Variants in STARD9 observed in about 807,000 individuals in gnomAD.
STARD9 encodes StAR related lipid transfer domain containing 9.
STARD9 carries 346 observed loss-of-function variants against 399.8 expected under a neutral mutation model. The ratio of observed to expected loss-of-function variants is 0.87; its 90% CI spans 0.79 to 0.95. The LOEUF (loss-of-function observed/expected upper bound fraction) is 0.95, where lower values mean the gene tolerates loss of function less well. STARD9 is among the 40% of genes least tolerant of loss of function. The probability of loss-of-function intolerance (pLI) is 0.00; values close to 1 mark genes in which losing one functional copy is unlikely to be tolerated. For synonymous variants in STARD9, 2,203 were observed against 2,143.5 expected, an observed-to-expected ratio of 1.03 and a Z score of -0.77; for missense variants, 5,832 against 5,667.5, an observed-to-expected ratio of 1.03 and a Z score of -0.93.
At chr15:42,582,061 C>G (rs980909562) in intron 1 of STARD9, among the ~76,000 whole-genome samples, 1 of 152,130 alleles carries the variant, frequency 6.6e-6, no homozygotes, top group African/African-American at 2.4e-5. Context: ...AATGCTTAAG[C>G]CTAGGAAATT....
Position 42,664,789 on chromosome 15 carries a change from AACACAC to A in STARD9, c.1177-433_1177-428del, listed in dbSNP as rs55773330. Among the ~76,000 whole-genome samples the A allele has an allele frequency of 3.9e-3, 559 of 144,796 alleles. 4 individuals carry two copies. The highest frequency in any genetic ancestry group is 4.9e-3 in the Non-Finnish European group (318 of 65,056). 95.0% of individuals were successfully genotyped at this position (144,796 alleles called of 152,430 possible). A position where few individuals can be genotyped will look rare whatever the true frequency, so the allele number is the denominator to read the frequency against. On this transcript the variant is annotated intron_variant, in intron 13 of 32. Coordinates refer to ENST00000290607, the MANE Select transcript of STARD9 (RefSeq NM_020759.3). Reference sequence around the variant, plus strand: ...ATTCATTGGTTTTTGTTTATCCTTTAACACACACACACACACACACACACACACACA... The same window carrying A: ...ATTCATTGGTTTTTGTTTATCCTTTAACACACACACACACACACACACACA...
At chr15:42,667,809 C>T (rs1164551312) in intron 15 of STARD9, among the ~76,000 whole-genome samples, 1 of 152,200 alleles carries the variant, frequency 6.6e-6, no homozygotes, top group Non-Finnish European at 1.5e-5. Flanking sequence ...TACAACCAAA[C>T]GTTTCAATTT....
At chr15:42,677,220 C>A (rs192778046) in intron 20 of STARD9, among the ~76,000 whole-genome samples, 16 of 151,738 alleles carry the variant, frequency 1.1e-4, no homozygotes, top group Non-Finnish European at 1.5e-4. Flanking sequence ...GCCGACATTG[C>A]GCCACTGCAC....
At chr15:42,642,177 T>A (rs1398419972) in intron 7 of STARD9, among the ~76,000 whole-genome samples, 1 of 152,202 alleles carries the variant, frequency 6.6e-6, no homozygotes, top group Admixed American at 6.5e-5. Context: ...AGAAATTTAT[T>A]GAGTACCTAC....
In STARD9 at chr15:42,686,891, A is replaced by G. The variant is rs1352182150; in HGVS notation, c.5313A>G (p.Val1771=). The G allele has an allele frequency of 1.3e-6, 2 of 1,536,616 alleles. No homozygotes were observed. Among genetic ancestry groups the G allele is most frequent in the Admixed American group, 3.9e-5 (2 of 50,968 alleles). ...TTCCAGCTTGCAGAGAAGTAAGGGT[A>G]CCCTCCCCACCCCCCAGGGAAGCCT... ...LEIPACREVR[V]PSPPPREAWG... Residue 1771 remains valine (V), a synonymous_variant, in exon 23 of 33, where the codon GTA becomes GTG. Coordinates refer to ENST00000290607, the MANE Select transcript of STARD9 (RefSeq NM_020759.3).
In STARD9 at chr15:42,689,020, A is replaced by G. The variant is rs1432372208; in HGVS notation, c.7442A>G (p.Lys2481Arg). 1 of 1,537,362 alleles carries G rather than the reference A, an allele frequency of 6.5e-7. No individual in the cohort carries two copies. Among genetic ancestry groups the G allele is most frequent in the South Asian group, 1.2e-5 (1 of 84,066 alleles). Residue 2481 changes from lysine to arginine, a missense_variant, in exon 23 of 33, where the codon AAG (lysine) becomes AGG (arginine). By Grantham distance (26) the Lys-to-Arg change is conservative. This residue lies in a region of STARD9 where 5,828 missense variants were observed against 5,651.1 expected (regional missense o/e 1.03). Transcript: ENST00000290607. Reference sequence around the variant, plus strand: ...GAAATAAGAGTCAGTTCACTGAACAAGGTCTCTAGCCAGCCTGAAAAGAGG... The same window carrying G: ...GAAATAAGAGTCAGTTCACTGAACAGGGTCTCTAGCCAGCCTGAAAAGAGG... ...QKEIRVSSLN[K>R]VSSQPEKRVS...
At chr15:42,712,329 G>A (rs904435675) in intron 26 of STARD9, among the ~76,000 whole-genome samples, 13 of 150,188 alleles carry the variant, frequency 8.7e-5, no homozygotes, top group African/African-American at 2.9e-4. Flanking sequence ...TTTTGATGAT[G>A]TCCAGTTTAT....
Position 42,718,842 on chromosome 15 carries a change from A to G in STARD9, c.13933A>G (p.Ser4645Gly), listed in dbSNP as rs1440615637. The change falls in exon 32 of 33, where the codon AGT becomes GGT. Residue 4645 changes from serine (S) to glycine (G), a missense_variant. Ser to Gly is a moderately conservative substitution (Grantham distance 56, BLOSUM62 0). This residue lies in a region of STARD9 where 5,828 missense variants were observed against 5,651.1 expected (regional missense o/e 1.03). Transcript: ENST00000290607. The part of the protein sequence containing the change: ...RKMVRGEILP[S>G]AWILQPITVE... ...AATGGTTCGCGGGGAGATCCTGCCCAGTGCCTGGATCTTGCAGCCCATCAC... is the reference window on the plus strand; with the variant it reads ...AATGGTTCGCGGGGAGATCCTGCCCGGTGCCTGGATCTTGCAGCCCATCAC... 4 of 1,537,108 alleles carry G rather than the reference A, an allele frequency of 2.6e-6. No homozygotes were observed. The highest frequency in any genetic ancestry group is 2.4e-5 in the East Asian group (1 of 40,910).
chr15:42,591,399 A>G (rs1280615955), intron 3 of STARD9, among the ~76,000 whole-genome samples: 4 of 152,036 alleles, frequency 2.6e-5, no homozygotes, highest in African/African-American at 4.8e-5. Context: ...GAAGCAGGAG[A>G]ATTGCTTTAA....
At chr15:42,581,908 T>C (rs556462100) in intron 1 of STARD9, among the ~76,000 whole-genome samples, 1 of 152,252 alleles carries the variant, frequency 6.6e-6, no homozygotes, top group Non-Finnish European at 1.5e-5. Context: ...CCCAGCACTT[T>C]TGGAGACTGA....
intron 16 of STARD9, chr15:42,671,303 T>G (rs1566921558): frequency 6.6e-6 from 1 of 152,032 alleles, no homozygotes; most frequent in Non-Finnish European, 1.5e-5. Context: ...GAATAATGCT[T>G]AAAATTTTAA....
At chr15:42,659,165 A>G (rs951629553) in intron 9 of STARD9, among the ~76,000 whole-genome samples, 1 of 152,192 alleles carries the variant, frequency 6.6e-6, no homozygotes, top group Non-Finnish European at 1.5e-5. Context: ...ACAGATAGGT[A>G]GAACTTTTTT....
At chr15:42,650,115 G>A (rs1437305090) in intron 7 of STARD9, among the ~76,000 whole-genome samples, 1 of 151,508 alleles carries the variant, frequency 6.6e-6, no homozygotes, top group Non-Finnish European at 1.5e-5. Flanking sequence ...CGCCCGCCTC[G>A]GCCTCCCAAA....
chr15:42,611,665 C>A (rs2058852808), intron 3 of STARD9, among the ~76,000 whole-genome samples: 1 of 152,170 alleles, frequency 6.6e-6, no homozygotes, highest in Non-Finnish European at 1.5e-5. Context: ...CATACAACTG[C>A]TCTTCAGTGT....
intron 26 of STARD9, among the ~76,000 whole-genome samples, chr15:42,712,429 T>C (rs1363448056): frequency 6.6e-6 from 1 of 151,938 alleles, no homozygotes; most frequent in Admixed American, 6.6e-5. Flanking sequence ...TGTTTTCTTC[T>C]AAGAGTTTTA....
chr15:42,664,035 AGATGATGAGGG>A (rs1325097724), intron 13 of STARD9, 118 bp downstream of exon 13: 3 of 670,314 alleles, frequency 4.5e-6, no homozygotes, highest in Non-Finnish European at 7.8e-6. Context: ...CTTGTCCTCC[AGATGATGAGGG>A]AGTAGAATTC....
intron 21 of STARD9, 58 bp downstream of exon 21, chr15:42,681,670 T>C (rs973799030): frequency 7.3e-5 from 100 of 1,374,580 alleles, no homozygotes; most frequent in Non-Finnish European, 9.4e-5. Context: ...ATTTTCATGC[T>C]TCCTCAGCCT....
chr15:42,629,757 A>G (rs551111872), intron 3 of STARD9: 1 of 152,164 alleles, frequency 6.6e-6, no homozygotes, highest in East Asian at 1.9e-4. Flanking sequence ...CCCTTCTTGT[A>G]TATGGCTTTT....
At position 42,682,182 on chromosome 15, in the gene STARD9, A is replaced by G; in HGVS notation, c.2144A>G (p.Lys715Arg). 1 of 1,537,264 alleles carries G rather than the reference A, an allele frequency of 6.5e-7. No individual in the cohort carries two copies. The highest frequency in any genetic ancestry group is 8.7e-7 in the Non-Finnish European group (1 of 1,146,906). The part of the protein sequence containing the change: ...QQQQEDQVAE[K>R]ELEASVALDA... ...CAGCAAGAAGACCAGGTAGCAGAGA[A>G]AGAACTTGAGGCATCTGTGGCACTT... Residue 715 changes from lysine to arginine, a missense_variant, in exon 22 of 33, where the codon AAA becomes AGA. Physicochemically the swap from Lys to Arg is conservative, Grantham distance 26 (BLOSUM62 2). Around this residue, in one of 2 missense-constraint regions of STARD9, gnomAD observed 5,828 missense variants for 5,651.1 expected, o/e 1.03. Coordinates refer to ENST00000290607, the MANE Select transcript of STARD9 (RefSeq NM_020759.3).
Sources: gnomAD v4.1 joint callset for allele counts (sites outside exome capture counted in the v4.1 genomes callset) on GRCh38, gnomAD v4.1.1 for gene constraint, gnomAD v4.1.1 regional missense constraint, MANE v1.5 for transcripts, NCBI Gene and HGNC (gene_info 2026-07-23, HGNC 2026-07-21) for gene names.